Variants in NAP1L4 observed in about 807,000 individuals in gnomAD.
The protein encoded by NAP1L4 is nucleosome assembly protein 1-like 4.
Under a neutral mutation model 58.2 loss-of-function variants are expected in NAP1L4, and 15 were observed. The observed-to-expected ratio is 0.26, with a 90% CI of 0.17 to 0.40. NAP1L4 has a LOEUF of 0.40. Among genes scored for constraint, NAP1L4 ranks in the 10% least tolerant of loss-of-function variants. The probability of loss-of-function intolerance (pLI) is 1.00; values close to 1 mark genes in which losing one functional copy is unlikely to be tolerated. For missense variants in NAP1L4, 384 were observed against 451.1 expected (o/e 0.85, Z 1.35); for synonymous variants, 171 against 155.6 (o/e 1.10, Z -0.74).
rs571702907 is a variant in NAP1L4, at chr11:2,955,929, G to A, written c.893-163C>T. ...CTTGCATCTCCTCACAGACATCTTTGCAAGCTCCATCCACCACTTCTGAAG... is the reference window on the plus strand; with the variant it reads ...CTTGCATCTCCTCACAGACATCTTTACAAGCTCCATCCACCACTTCTGAAG... On this transcript the variant is annotated intron_variant, in intron 10 of 15. Coordinates refer to ENST00000380542, the MANE Select transcript of NAP1L4 (RefSeq NM_005969.4). This position sits in a 1 kb window ranked among gnomAD's most constrained non-coding sequence, Gnocchi z 4.2. 6 of 648,264 alleles carry A rather than the reference G, an allele frequency of 9.3e-6. No homozygotes were observed. The East Asian group carries it at 1.4e-4, about 15-fold the overall frequency. The allele number at this position is 648,264 out of a possible 1,614,324, so 40.2% of individuals were successfully genotyped here.
chr11:2,956,930 T>C (rs1401725745), intron 10 of NAP1L4, among the ~76,000 whole-genome samples: 1 of 152,226 alleles, frequency 6.6e-6, no homozygotes. Flanking sequence ...CCATTTGGTA[T>C]TATGTGTTTG....
At chr11:2,989,289 A>G (rs2134033786) in intron 1 of NAP1L4, 1 of 152,316 alleles carries the variant, frequency 6.6e-6, no homozygotes, top group Admixed American at 6.5e-5. Flanking sequence ...CAAAAAAGCA[A>G]GCATTCCTTA....
At chr11:2,981,015 A>C (rs1590266780) in intron 1 of NAP1L4, among the ~76,000 whole-genome samples, 1 of 152,046 alleles carries the variant, frequency 6.6e-6, no homozygotes, top group African/African-American at 2.4e-5. Flanking sequence ...GATTAGTTGA[A>C]GCTCAGGAGT....
At chr11:2,953,127 A>C (rs7102595) in intron 12 of NAP1L4, among the ~76,000 whole-genome samples, 3,883 of 152,306 alleles carry the variant, frequency 0.025, 181 homozygotes, top group African/African-American at 0.088. Flanking sequence ...TGAGCAGTCT[A>C]ATCTGAGCTG....
At position 2,982,795 on chromosome 11, in the gene NAP1L4, G is replaced by T. The variant is rs151273297; in HGVS notation, c.-17-3558C>A. Among the ~76,000 whole-genome samples, 445 of 152,262 alleles carry T rather than the reference G, an allele frequency of 2.9e-3. 3 individuals are homozygous for T. Among genetic ancestry groups the T allele is most frequent in the African/African-American group, 0.01 (419 of 41,528 alleles). ...CCCAGCACTTTGGGAGGCCAAGGCG[G>T]GCAGATCACGACGTGAGGAGTTCAA... On this transcript the variant is annotated intron_variant, in intron 1 of 15. Coordinates refer to ENST00000380542, the MANE Select transcript of NAP1L4 (RefSeq NM_005969.4).
In NAP1L4 at chr11:2,959,326, G is replaced by A. The variant is rs1846724769; in HGVS notation, c.746+444C>T. Among the ~76,000 whole-genome samples the A allele has an allele frequency of 6.6e-6, 1 of 152,202 alleles. No individual in the cohort carries two copies. ...CTCTCTTTAGTGATTTATAAAGACTGAAATCAGTGAGTCAAACAACAGCTA... is the reference window on the plus strand; with the variant it reads ...CTCTCTTTAGTGATTTATAAAGACTAAAATCAGTGAGTCAAACAACAGCTA... On this transcript the variant is annotated intron_variant, in intron 9 of 15. Transcript: ENST00000380542. This position sits in a 1 kb window ranked among gnomAD's most constrained non-coding sequence, Gnocchi z 4.9.
intron 3 of NAP1L4, among the ~76,000 whole-genome samples, chr11:2,977,557 C>T (rs957028943): frequency 2.0e-5 from 3 of 152,194 alleles, no homozygotes; most frequent in Admixed American, 6.5e-5. Flanking sequence ...CAAAACAAAA[C>T]GCATGATCCT....
At chr11:2,989,706 A>G (rs1248895522) in intron 1 of NAP1L4, among the ~76,000 whole-genome samples, 1 of 152,254 alleles carries the variant, frequency 6.6e-6, no homozygotes. Context: ...AACAAAGGGA[A>G]TTAACATGCG....
intron 4 of NAP1L4, among the ~76,000 whole-genome samples, chr11:2,972,608 A>C (rs1473158684): frequency 6.6e-6 from 1 of 152,228 alleles, no homozygotes; most frequent in Admixed American, 6.5e-5. Flanking sequence ...AAGCCCTCTA[A>C]CTGACTCATC....
At position 2,949,337 on chromosome 11, in the gene NAP1L4, A is replaced by C; in HGVS notation, c.1123-73T>G. 1 of 1,243,594 alleles carries C rather than the reference A, an allele frequency of 8.0e-7. No individual in the cohort carries two copies. Among genetic ancestry groups the C allele is most frequent in the African/African-American group, 1.5e-5 (1 of 67,334 alleles). 77.0% of individuals were successfully genotyped at this position (1,243,594 alleles called of 1,614,324 possible). ...GAAATGCACAAAATTATACAGGAGG[A>C]AACGGCCACAATTTCTCATGATACA... is the stretch of plus-strand genomic sequence containing the variant. On this transcript the variant is annotated intron_variant, in intron 14 of 15. Transcript: ENST00000380542. This position sits in a 1 kb window ranked among gnomAD's most constrained non-coding sequence, Gnocchi z 4.0.
In NAP1L4 at chr11:2,944,554, T is replaced by G. The variant is rs532493050; in HGVS notation, c.*1125A>C. 1.6e-4 allele frequency: 24 copies of G among 152,402 alleles called. No homozygotes were observed. Among genetic ancestry groups the G allele is most frequent in the African/African-American group, 5.8e-4 (24 of 41,592 alleles). 9.4% of individuals were successfully genotyped at this position (152,402 alleles called of 1,614,324 possible). Reference sequence around the variant, plus strand: ...GAGCACTCTCCACAGGCCTGGTCAGTGCGGACACGGCCATCCCCGGCTGCC... The same window carrying G: ...GAGCACTCTCCACAGGCCTGGTCAGGGCGGACACGGCCATCCCCGGCTGCC... On this transcript the variant is annotated 3_prime_UTR_variant, in exon 16 of 16. Coordinates refer to ENST00000380542, the MANE Select transcript of NAP1L4 (RefSeq NM_005969.4).
At chr11:2,976,560 T>C (rs1263213058) in intron 3 of NAP1L4, among the ~76,000 whole-genome samples, 1 of 152,208 alleles carries the variant, frequency 6.6e-6, no homozygotes, top group Admixed American at 6.5e-5. Flanking sequence ...TGCCATAGAC[T>C]TCACAGTCCA....
intron 15 of NAP1L4, among the ~76,000 whole-genome samples, chr11:2,947,324 G>A (rs1021917760): frequency 3.9e-5 from 6 of 152,312 alleles, no homozygotes; most frequent in African/African-American, 1.4e-4. Context: ...AATATCCTGG[G>A]TGAAGACTGC....
chr11:2,952,025 A>C (rs1271139526), intron 12 of NAP1L4: 1 of 619,004 alleles, frequency 1.6e-6, no homozygotes, highest in Non-Finnish European at 2.9e-6. Context: ...CAAAACAAGG[A>C]ATAGGATAGG....
chr11:2,962,425 G>A (rs1314765608), intron 8 of NAP1L4, among the ~76,000 whole-genome samples: 3 of 152,220 alleles, frequency 2.0e-5, no homozygotes, highest in Non-Finnish European at 2.9e-5. Flanking sequence ...ATCCAGGTAG[G>A]CAAGCGCTCA....
At position 2,959,846 on chromosome 11, in the gene NAP1L4, T is replaced by C. The variant is rs1846753027; in HGVS notation, c.670A>G (p.Thr224Ala). The C allele has an allele frequency of 6.2e-7, 1 of 1,614,056 alleles. No homozygotes were observed. The highest frequency in any genetic ancestry group is 1.7e-5 in the Admixed American group (1 of 60,008). Residue 224 changes from threonine (T) to alanine (A), a missense_variant, in exon 9 of 16, where the codon ACC becomes GCC. Transcript: ENST00000380542. This position sits in a 1 kb window ranked among gnomAD's most constrained non-coding sequence, Gnocchi z 4.9. ...DYFTNSVLTK[T>A]YKMKSEPDKA... ...TCTGGTTCTGATTTCATCTTGTAGG[T>C]TTTTGTCAGGACTGAGTTGGTAAAG...
intron 3 of NAP1L4, among the ~76,000 whole-genome samples, chr11:2,977,636 GTCTA>G (rs1204351327): frequency 1.3e-5 from 2 of 152,150 alleles, no homozygotes; most frequent in African/African-American, 4.8e-5. Context: ...GAGCATGACT[GTCTA>G]TTAGAGAATG....
Position 2,951,440 on chromosome 11 carries a change from G to T in NAP1L4, c.1066-125C>A. ...AAATCAATTACTGCTACCCACAAGT[G>T]ACTCATCACTTCCTTTGGACACTTA... On this transcript the variant is annotated intron_variant, in intron 13 of 15. Coordinates refer to ENST00000380542, the MANE Select transcript of NAP1L4 (RefSeq NM_005969.4). This position sits in a 1 kb window ranked among gnomAD's most constrained non-coding sequence, Gnocchi z 4.0. 1 of 796,238 alleles carries T rather than the reference G, an allele frequency of 1.3e-6. No homozygotes were observed. The highest frequency in any genetic ancestry group is 2.2e-6 in the Non-Finnish European group (1 of 462,672). The allele number at this position is 796,238 out of a possible 1,614,324, so 49.3% of individuals were successfully genotyped here.
At chr11:2,965,461 A>G (rs932110374) in intron 7 of NAP1L4, among the ~76,000 whole-genome samples, 1 of 152,228 alleles carries the variant, frequency 6.6e-6, no homozygotes, top group Non-Finnish European at 1.5e-5. Flanking sequence ...TCATAATCTT[A>G]CAGGACCGCC....
Sources: gnomAD v4.1 joint callset for allele counts (sites outside exome capture counted in the v4.1 genomes callset) on GRCh38, gnomAD v4.1.1 for gene constraint, Gnocchi (gnomAD v3.1) non-coding constraint, MANE v1.5 for transcripts, NCBI Gene and HGNC (gene_info 2026-07-23, HGNC 2026-07-21) for gene names.